Variants in BCAP31 observed in about 807,000 individuals in gnomAD.
The protein encoded by BCAP31 is B-cell receptor-associated protein 31.
For synonymous variants in BCAP31, 75 were observed against 80.9 expected (o/e 0.93, Z 0.39); for missense variants, 124 against 193.0 (o/e 0.64, Z 2.12).
chrX:153,715,532 C>T lies in BCAP31; in HGVS notation c.341+10G>A, dbSNP rs371422649. The T allele has an allele frequency of 1.7e-6, 2 of 1,210,457 alleles. No homozygotes were observed. Among genetic ancestry groups the T allele is most frequent in the Non-Finnish European group, 2.2e-6 (2 of 894,625 alleles). The stretch of plus-strand genomic sequence containing the variant: ...TTTCACAGCACCTGCCCCCTCAACC[C>T]CCCACTCACAAGGACAGCAGCAAGG... On this transcript the variant is annotated intron_variant, in intron 4 of 7. Transcript: ENST00000345046.
At chrX:153,702,422 G>C in intron 6 of BCAP31, 1 of 243,512 alleles carries the variant, frequency 4.1e-6, no homozygotes, top group Non-Finnish European at 7.3e-6. Flanking sequence ...CAGGGAGCAA[G>C]ATCCCAGCCT....
chrX:153,703,373 T>C (rs1249428873), intron 5 of BCAP31, among the ~76,000 whole-genome samples: 1 of 113,241 alleles, frequency 8.8e-6, no homozygotes, highest in Non-Finnish European at 1.9e-5. Context: ...AGCAGCTCCA[T>C]GGTGCTCACC....
intron 4 of BCAP31, chrX:153,705,100 G>A (rs1448599213): frequency 8.9e-6 from 1 of 112,849 alleles, no homozygotes; most frequent in Non-Finnish European, 1.9e-5. Context: ...GTCACACAGG[G>A]CCTGGGGGAA....
chrX:153,705,088 G>A (rs1421492235), intron 4 of BCAP31: 1 of 112,783 alleles, frequency 8.9e-6, no homozygotes, highest in Non-Finnish European at 1.9e-5. Context: ...CAGAAGGCAA[G>A]GGTCACACAG....
chrX:153,713,342 C>G (rs2091605434), intron 4 of BCAP31, among the ~76,000 whole-genome samples: 2 of 112,111 alleles, frequency 1.8e-5, no homozygotes, highest in Admixed American at 9.5e-5. Flanking sequence ...ACTTCGGCAT[C>G]TGGTCGTTAA....
intron 4 of BCAP31, among the ~76,000 whole-genome samples, chrX:153,707,317 C>T (rs1368794017): frequency 9.1e-6 from 1 of 109,452 alleles, no homozygotes; most frequent in Non-Finnish European, 1.9e-5. Context: ...CATCTCTGCA[C>T]TCCCATACCT....
chrX:153,717,695 C>T (rs1015033405), intron 3 of BCAP31, among the ~76,000 whole-genome samples: 1 of 112,588 alleles, frequency 8.9e-6, no homozygotes, highest in Non-Finnish European at 1.9e-5. Flanking sequence ...GGATTACAGG[C>T]GTGAGTCAGG....
rs1231459657 is a variant in BCAP31 at position 153,704,139 on chromosome X, T to C, written c.342-45A>G. The stretch of plus-strand genomic sequence containing the variant: ...GAAGGGAGAAGTGAGAAAAAGAGCA[T>C]GAAGGGCTGGCAGGAGCACCTCCTG... On this transcript the variant is annotated intron_variant, in intron 4 of 7. Coordinates refer to ENST00000345046, the MANE Select transcript of BCAP31 (RefSeq NM_001256447.2). 4.2e-6 allele frequency: 5 copies of C among 1,176,534 alleles called. No individual in the cohort carries two copies. The Admixed American group carries it at 8.9e-5, about 21-fold the overall frequency.
chrX:153,718,999 C>T (rs1557050567), intron 3 of BCAP31, among the ~76,000 whole-genome samples: 1 of 112,044 alleles, frequency 8.9e-6, no homozygotes, highest in African/African-American at 3.2e-5. Flanking sequence ...GAAGGCTCTG[C>T]AGATCTTTCT....
intron 4 of BCAP31, among the ~76,000 whole-genome samples, chrX:153,705,975 G>A (rs139468514): frequency 0.045 from 5,073 of 112,020 alleles, 266 homozygotes; most frequent in African/African-American, 0.16. Context: ...TTTTCGGACC[G>A]TCCCAGGCCC....
chrX:153,704,349 G>T (rs2091540001), intron 4 of BCAP31, among the ~76,000 whole-genome samples: 1 of 112,481 alleles, frequency 8.9e-6, no homozygotes, highest in South Asian at 3.6e-4. Context: ...AGCCTGGGGG[G>T]CTGGGAAGAG....
intron 3 of BCAP31, among the ~76,000 whole-genome samples, chrX:153,719,197 G>A (rs1437599107): frequency 3.6e-5 from 4 of 111,458 alleles, no homozygotes; most frequent in Non-Finnish European, 7.5e-5. Context: ...CTGGTTTGGG[G>A]AAGGGGCAAG....
intron 4 of BCAP31, among the ~76,000 whole-genome samples, chrX:153,709,968 A>G (rs1284204826): frequency 8.9e-6 from 1 of 112,531 alleles, no homozygotes; most frequent in Non-Finnish European, 1.9e-5. Context: ...AGCCGGGAAC[A>G]TGGTGTGGGC....
intron 6 of BCAP31, chrX:153,702,546 G>T: frequency 5.6e-6 from 1 of 177,457 alleles, no homozygotes. Context: ...CCAAAGACAG[G>T]CAGGCCGCTT....
At chrX:153,716,003 CAA>C (rs67962983) in intron 3 of BCAP31, among the ~76,000 whole-genome samples, 2 of 101,440 alleles carry the variant, frequency 2.0e-5, no homozygotes, top group African/African-American at 7.2e-5. Flanking sequence ...ACTAAAAATA[CAA>C]AAAAAAAAAA....
At chrX:153,715,456 G>A (rs184989079) in intron 4 of BCAP31, 86 bp downstream of exon 4, 33 of 1,114,109 alleles carry the variant, frequency 3.0e-5, no homozygotes, top group Non-Finnish European at 3.8e-5. Context: ...AAAGTCACAG[G>A]GGGGAGACTG....
chrX:153,704,975 C>T (rs2091544671), intron 4 of BCAP31: 1 of 111,984 alleles, frequency 8.9e-6, no homozygotes, highest in Non-Finnish European at 1.9e-5. Flanking sequence ...ACTTCATTTC[C>T]CTTGGTTCAC....
At chrX:153,708,337 C>A (rs1266501871) in intron 4 of BCAP31, among the ~76,000 whole-genome samples, 1 of 112,576 alleles carries the variant, frequency 8.9e-6, no homozygotes, top group Non-Finnish European at 1.9e-5. Flanking sequence ...CCCTGTCTTC[C>A]CCCATGAGCA....
intron 5 of BCAP31, among the ~76,000 whole-genome samples, chrX:153,703,279 C>G (rs1468334612): frequency 8.8e-6 from 1 of 113,604 alleles, no homozygotes; most frequent in African/African-American, 3.2e-5. Flanking sequence ...GGGCCACCTG[C>G]TGCAGCTCGC....
Sources: allele counts gnomAD v4.1 joint callset (sites outside exome capture counted in the v4.1 genomes callset), GRCh38; gene constraint gnomAD v4.1.1; transcripts MANE v1.5; gene names NCBI Gene and HGNC (gene_info 2026-07-23, HGNC 2026-07-21).